NUTF2: variants seen among roughly 807,000 people sequenced by gnomAD.
NUTF2 encodes placental protein 15.
NUTF2 carries 3 observed loss-of-function variants against 18.5 expected under a neutral mutation model. The observed-to-expected ratio is 0.16, with a 90% confidence interval of 0.07 to 0.42. The LOEUF (loss-of-function observed/expected upper bound fraction) is 0.42, where lower values mean the gene tolerates loss of function less well. Ranked by LOEUF, NUTF2 falls within the 10% of genes least tolerant of loss-of-function variation. NUTF2 has a pLI of 0.99. For missense variants in NUTF2, 44 were observed against 160.7 expected, an observed-to-expected ratio of 0.27 and a Z score of 3.93; for synonymous variants, 51 against 57.9, an observed-to-expected ratio of 0.88 and a Z score of 0.54.
chr16:67,864,418 A>C (rs943641057), intron 1 of NUTF2, among the ~76,000 whole-genome samples: 5 of 151,316 alleles, frequency 3.3e-5, no homozygotes, highest in African/African-American at 1.2e-4. Context: ...CTGAGGCAAG[A>C]GAATCACTTG....
chr16:67,847,601 A>G (rs1047769919), intron 1 of NUTF2: 7 of 152,384 alleles, frequency 4.6e-5, no homozygotes, highest in African/African-American at 1.7e-4. Context: ...TGGAGCCCGG[A>G]CTGGAGTTCT....
chr16:67,852,639 T>G (rs1467618219), intron 1 of NUTF2, among the ~76,000 whole-genome samples: 2 of 152,106 alleles, frequency 1.3e-5, no homozygotes, highest in African/African-American at 2.4e-5. Context: ...ATTATAAGCT[T>G]GAGCCACCAT....
At chr16:67,856,530 C>T (rs535951443) in intron 1 of NUTF2, among the ~76,000 whole-genome samples, 19 of 138,736 alleles carry the variant, frequency 1.4e-4, no homozygotes, top group African/African-American at 4.9e-4. Context: ...CTTTTTGAGT[C>T]GGAGTTTTGC....
At chr16:67,858,023 G>A (rs1244425099) in intron 1 of NUTF2, among the ~76,000 whole-genome samples, 3 of 152,178 alleles carry the variant, frequency 2.0e-5, no homozygotes, top group Non-Finnish European at 4.4e-5. Context: ...GGCTGGGCCA[G>A]GTACCATGGG....
intron 1 of NUTF2, among the ~76,000 whole-genome samples, chr16:67,858,376 C>T (rs1598162913): frequency 6.6e-6 from 1 of 152,208 alleles, no homozygotes; most frequent in South Asian, 2.1e-4. Flanking sequence ...CCATGTTGGC[C>T]AGGCTGGTTT....
chr16:67,853,969 G>A (rs892210330), intron 1 of NUTF2, among the ~76,000 whole-genome samples: 2 of 151,812 alleles, frequency 1.3e-5, no homozygotes, highest in Non-Finnish European at 2.9e-5. Flanking sequence ...CCTTCTTTTT[G>A]AGATGGAGTT....
At position 67,865,263 on chromosome 16, in the gene NUTF2, T is replaced by TA. The variant is rs758334524; in HGVS notation, c.99+35dup. 45 of 1,473,542 alleles carry TA rather than the reference T, an allele frequency of 3.1e-5. No homozygotes were observed. The Admixed American group carries it at 6.9e-4, about 23-fold the overall frequency. 91.3% of individuals were successfully genotyped at this position (1,473,542 alleles called of 1,614,324 possible). ...CCAGCTCTAGGGCCAGAATGGACCC[T>TA]AGGGGATCAATTTGGATGTTGGGCC... On this transcript the variant is annotated intron_variant, in intron 2 of 4. Transcript: ENST00000219169.
intron 2 of NUTF2, among the ~76,000 whole-genome samples, chr16:67,867,656 G>A (rs2057982490): frequency 6.6e-6 from 1 of 152,116 alleles, no homozygotes; most frequent in Admixed American, 6.6e-5. Flanking sequence ...GGCCCTGGAG[G>A]GTGATGAATG....
At chr16:67,847,868 C>G (rs940825030) in intron 1 of NUTF2, 1 of 152,254 alleles carries the variant, frequency 6.6e-6, no homozygotes, top group African/African-American at 2.4e-5. Context: ...GCCTGAGGTT[C>G]TTGAGCCTAG....
chr16:67,850,137 A>T lies in NUTF2; in HGVS notation c.-30+3152A>T, dbSNP rs116707751. 8.1e-3 allele frequency among the ~76,000 whole-genome samples: 1,227 copies of T among 151,848 alleles called. 8 individuals are homozygous for T. The highest frequency in any genetic ancestry group is 0.023 in the African/African-American group (941 of 41,380). On this transcript the variant is annotated intron_variant, in intron 1 of 4. Coordinates refer to ENST00000219169, the MANE Select transcript of NUTF2 (RefSeq NM_005796.3). ...ACAAAAAGATACTTTTCCTTCTCCA[A>T]CGTTACTCAAGAGTAGGAGGAATTC... is the stretch of plus-strand genomic sequence containing the variant.
intron 2 of NUTF2, among the ~76,000 whole-genome samples, chr16:67,867,992 C>T (rs1411702135): frequency 6.6e-6 from 1 of 152,198 alleles, no homozygotes. Context: ...GGCCACATTT[C>T]TGATGACCTT....
At chr16:67,856,129 G>T in intron 1 of NUTF2, 2 of 440,512 alleles carry the variant, frequency 4.5e-6, no homozygotes, top group Non-Finnish European at 4.3e-6. Flanking sequence ...ACCTGATTTT[G>T]TCACTTAGGT....
intron 1 of NUTF2, chr16:67,855,873 C>T (rs574295100): frequency 2.6e-5 from 11 of 417,168 alleles, no homozygotes; most frequent in South Asian, 2.2e-4. Flanking sequence ...CCTTGCCACC[C>T]GATTTTTTTT....
At chr16:67,870,067 C>T (rs1348731007) in intron 4 of NUTF2, 1 of 152,260 alleles carries the variant, frequency 6.6e-6, no homozygotes, top group African/African-American at 2.4e-5. Context: ...GTGCCTGTGC[C>T]TGAAGAGGCA....
intron 1 of NUTF2, among the ~76,000 whole-genome samples, chr16:67,853,686 GT>G (rs1343181510): frequency 6.6e-6 from 1 of 151,864 alleles, no homozygotes; most frequent in Non-Finnish European, 1.5e-5. Flanking sequence ...CTATTTTTTA[GT>G]TTTTGTGGAG....
chr16:67,855,557 T>C (rs772719803), intron 1 of NUTF2, among the ~76,000 whole-genome samples: 17 of 152,292 alleles, frequency 1.1e-4, no homozygotes, highest in African/African-American at 4.1e-4. Flanking sequence ...GGGCTGTTTG[T>C]CCCAGTGTCC....
intron 1 of NUTF2, among the ~76,000 whole-genome samples, chr16:67,863,920 T>C (rs2057951219): frequency 6.6e-6 from 1 of 152,182 alleles, no homozygotes; most frequent in South Asian, 2.1e-4. Flanking sequence ...TGGTCTCTAG[T>C]TGGGAGGGGG....
chr16:67,854,792 C>CA (rs1438373918), intron 1 of NUTF2, among the ~76,000 whole-genome samples: 1 of 152,038 alleles, frequency 6.6e-6, no homozygotes, highest in East Asian at 1.9e-4. Context: ...ACCAAGATTC[C>CA]AAAAAATTAG....
At chr16:67,855,760 G>A (rs1484016701) in intron 1 of NUTF2, among the ~76,000 whole-genome samples, 2 of 151,876 alleles carry the variant, frequency 1.3e-5, no homozygotes, top group Non-Finnish European at 2.9e-5. Context: ...GTCCTAAGGT[G>A]TAAAGCTGCT....
Sources: gnomAD v4.1 joint callset for allele counts (sites outside exome capture counted in the v4.1 genomes callset) on GRCh38, gnomAD v4.1.1 for gene constraint, MANE v1.5 for transcripts, NCBI Gene and HGNC (gene_info 2026-07-23, HGNC 2026-07-21) for gene names.